ZBBX: variants seen among roughly 807,000 people sequenced by gnomAD.
The protein encoded by ZBBX is zinc finger B-box domain-containing protein 1.
In ZBBX, 101 loss-of-function variants were observed where a neutral mutation model predicts 108.5. The observed-to-expected ratio is 0.93, with a 90% confidence interval of 0.79 to 1.10. The LOEUF (loss-of-function observed/expected upper bound fraction) is 1.10, where lower values mean the gene tolerates loss of function less well. Ranked by LOEUF, ZBBX falls within the 50% of genes least tolerant of loss-of-function variation. ZBBX has a pLI of 0.00. For missense variants in ZBBX, 1,009 were observed against 941.4 expected (o/e 1.07, Z -0.94); for synonymous variants, 356 against 323.4 (o/e 1.10, Z -1.08).
intron 2 of ZBBX, among the ~76,000 whole-genome samples, chr3:167,378,109 G>A (rs1747251012): frequency 6.6e-6 from 1 of 152,180 alleles, no homozygotes; most frequent in South Asian, 2.1e-4. Context: ...CAGCCCTGCA[G>A]AACTGTGAAT....
At chr3:167,325,616 T>C (rs1447459251) in intron 11 of ZBBX, among the ~76,000 whole-genome samples, 1 of 152,062 alleles carries the variant, frequency 6.6e-6, no homozygotes. Context: ...AATCATTTGA[T>C]TTTTTTGACC....
intron 11 of ZBBX, among the ~76,000 whole-genome samples, chr3:167,326,929 T>C (rs1737492008): frequency 4.6e-5 from 7 of 151,726 alleles, no homozygotes; most frequent in Admixed American, 4.6e-4. Context: ...AATAGTAAAA[T>C]TGGCAAGTAA....
the ZBBX span, among the ~76,000 whole-genome samples, chr3:167,233,368 G>A: frequency 6.6e-6 from 1 of 151,098 alleles, no homozygotes; most frequent in Non-Finnish European, 1.5e-5. Flanking sequence ...ATCTGTCAGA[G>A]TAAAGCTGAG....
Position 167,314,012 on chromosome 3 carries a change from A to C in ZBBX, c.1379T>G (p.Leu460Arg), listed in dbSNP as rs754630674. The C allele has an allele frequency of 3.7e-6, 6 of 1,604,298 alleles. No individual in the cohort carries two copies. The highest frequency in any genetic ancestry group is 3.4e-6 in the Non-Finnish European group (4 of 1,175,794). ...KGKRDFLNLCLRNSSTYYKDN... is the reference protein window; with the variant it reads ...KGKRDFLNLCRRNSSTYYKDN... ...TTTATAATAAGTAGAGCTGTTTCTC[A>C]GACAAAGATTTAAGAAGTCTCTCTT... Residue 460 changes from leucine (L) to arginine (R), a missense_variant, in exon 16 of 22, where the codon CTG becomes CGG. Physicochemically the swap from Leu to Arg is moderately radical, Grantham distance 102. Transcript: ENST00000675490.
At chr3:167,216,454 C>G in the ZBBX span, among the ~76,000 whole-genome samples, 2 of 151,830 alleles carry the variant, frequency 1.3e-5, no homozygotes, top group African/African-American at 4.8e-5. Flanking sequence ...TTACAAAACA[C>G]TACTCAAAGA....
chr3:167,341,481 C>T (rs1740526007), intron 9 of ZBBX, among the ~76,000 whole-genome samples: 1 of 151,762 alleles, frequency 6.6e-6, no homozygotes. Context: ...AAGTTTAAAG[C>T]ACCTGGTCTC....
chr3:167,239,057 G>T (rs1054832061), downstream of ZBBX, among the ~76,000 whole-genome samples: 8 of 151,944 alleles, frequency 5.3e-5, no homozygotes, highest in Admixed American at 3.3e-4. Context: ...TTCAAGAATT[G>T]CCTCATGCAA....
chr3:167,264,748 T>A (rs1725179810), intron 20 of ZBBX, among the ~76,000 whole-genome samples: 1 of 152,230 alleles, frequency 6.6e-6, no homozygotes, highest in South Asian at 2.1e-4. Context: ...GCAGTTTACC[T>A]GAGGTTCTAT....
chr3:167,290,711 C>T (rs766834476), intron 18 of ZBBX, among the ~76,000 whole-genome samples: 34 of 152,128 alleles, frequency 2.2e-4, no homozygotes, highest in African/African-American at 7.2e-4. Flanking sequence ...ATGAGTTTGA[C>T]GAATTGACAG....
chr3:167,345,127 G>A (rs1170795711), intron 9 of ZBBX, among the ~76,000 whole-genome samples: 1 of 151,740 alleles, frequency 6.6e-6, no homozygotes, highest in Non-Finnish European at 1.5e-5. Flanking sequence ...GCTATTTCAG[G>A]AGCTTAATCA....
chr3:167,383,984 T>G (rs980078909), upstream of ZBBX, among the ~76,000 whole-genome samples: 11 of 152,094 alleles, frequency 7.2e-5, no homozygotes. Flanking sequence ...GGCAAAAAGA[T>G]AAGAATGAAA....
At chr3:167,371,079 G>C (rs1371276749) in intron 4 of ZBBX, among the ~76,000 whole-genome samples, 1 of 152,126 alleles carries the variant, frequency 6.6e-6, no homozygotes, top group Non-Finnish European at 1.5e-5. Context: ...GAAAAAGTGA[G>C]AAAGAGAACT....
rs139119528 is a variant in ZBBX at position 167,356,120 on chromosome 3, A to G, written c.432+3750T>C. ...AAATATTGACTCATAGCTCCTGTATAATTCGTTTTCAGATCATTAGAAGCA... is the reference window on the plus strand; with the variant it reads ...AAATATTGACTCATAGCTCCTGTATGATTCGTTTTCAGATCATTAGAAGCA... On this transcript the variant is annotated intron_variant, in intron 8 of 21. Transcript: ENST00000675490. Among the ~76,000 whole-genome samples the G allele has an allele frequency of 2.5e-3, 375 of 152,226 alleles. 1 individual carries two copies. The highest frequency in any genetic ancestry group is 4.2e-3 in the Non-Finnish European group (285 of 67,960).
chr3:167,212,089 C>T, the ZBBX span, among the ~76,000 whole-genome samples: 1 of 152,150 alleles, frequency 6.6e-6, no homozygotes, highest in Admixed American at 6.5e-5. Context: ...GGGCCAACAA[C>T]AGGTCTGTCC....
At chr3:167,304,580 A>G (rs1181845121) in intron 17 of ZBBX, among the ~76,000 whole-genome samples, 2 of 152,174 alleles carry the variant, frequency 1.3e-5, no homozygotes, top group Non-Finnish European at 2.9e-5. Flanking sequence ...CGGATTAACA[A>G]TAATGTTAAT....
chr3:167,387,735 G>A (rs746006535), intron 1 of ZBBX, among the ~76,000 whole-genome samples: 3 of 151,892 alleles, frequency 2.0e-5, no homozygotes, highest in Non-Finnish European at 4.4e-5. Context: ...TAATGGACTA[G>A]GCCAAAGCAG....
At chr3:167,314,795 T>C (rs1446738103) in intron 15 of ZBBX, among the ~76,000 whole-genome samples, 1 of 152,156 alleles carries the variant, frequency 6.6e-6, no homozygotes, top group Non-Finnish European at 1.5e-5. Context: ...TCATGATCAG[T>C]AACTTTCTCT....
chr3:167,274,311 T>C (rs568664865), intron 20 of ZBBX, among the ~76,000 whole-genome samples: 8 of 152,276 alleles, frequency 5.3e-5, no homozygotes, highest in Admixed American at 2.0e-4. Context: ...GGTGTGCTTA[T>C]TCTTGTTAGG....
chr3:167,329,296 G>A (rs2108369353), intron 10 of ZBBX, among the ~76,000 whole-genome samples: 1 of 152,268 alleles, frequency 6.6e-6, no homozygotes, highest in East Asian at 1.9e-4. Context: ...TGGTCAAATT[G>A]CTAAATATCC....
Sources: gnomAD v4.1 joint callset for allele counts (sites outside exome capture counted in the v4.1 genomes callset) on GRCh38, gnomAD v4.1.1 for gene constraint, MANE v1.5 for transcripts, NCBI Gene and HGNC (gene_info 2026-07-23, HGNC 2026-07-21) for gene names.